Variants in HIVEP1 observed in about 807,000 individuals in gnomAD.
HIVEP1 encodes the protein HIVEP zinc finger 1, also known as zinc finger protein 40.
In HIVEP1, 36 loss-of-function variants were observed where a neutral mutation model predicts 180.0. That is an observed-to-expected ratio of 0.20 (90% CI 0.15 to 0.26). The LOEUF (loss-of-function observed/expected upper bound fraction) is 0.26. HIVEP1 is among the 10% of genes least tolerant of loss of function. The pLI, the probability that HIVEP1 is intolerant of heterozygous loss-of-function variation, is 1.00. For synonymous variants in HIVEP1, 1,239 were observed against 1,239.0 expected (o/e 1.00, Z 0.00); for missense variants, 3,143 against 3,268.7 (o/e 0.96, Z 0.94).
chr6:12,046,620 A>G (rs1770136647), intron 2 of HIVEP1, among the ~76,000 whole-genome samples: 1 of 151,954 alleles, frequency 6.6e-6, no homozygotes, highest in South Asian at 2.1e-4. Context: ...CTTTACCAAA[A>G]ATACAAAAAT....
chr6:12,066,322 C>A (rs1250864665), intron 2 of HIVEP1, among the ~76,000 whole-genome samples: 1 of 152,184 alleles, frequency 6.6e-6, no homozygotes, highest in Non-Finnish European at 1.5e-5. Flanking sequence ...TGATGACCAT[C>A]CCTCTTGTGC....
chr6:12,184,063 T>C, the HIVEP1 span, among the ~76,000 whole-genome samples: 1 of 136,300 alleles, frequency 7.3e-6, no homozygotes, highest in South Asian at 2.4e-4. Context: ...ACAGACAGAC[T>C]GATTTGGGGG....
rs1581750610 is a variant in HIVEP1 at position 12,130,914 on chromosome 6, T to C, written c.6357T>C (p.Thr2119=). The change falls in exon 6 of 9, where the codon ACT becomes ACC. Residue 2119 remains threonine, a synonymous_variant. Transcript: ENST00000379388. ...THTDVRPYHC[T]YCNFSFKTKG... Reference sequence around the variant, plus strand: ...CAGATGTCCGCCCCTACCACTGCACTTACTGTAACTTCTCCTTTAAGACTA... The same window carrying C: ...CAGATGTCCGCCCCTACCACTGCACCTACTGTAACTTCTCCTTTAAGACTA... The C allele has an allele frequency of 1.2e-6, 2 of 1,609,714 alleles. No individual in the cohort carries two copies. Among genetic ancestry groups the C allele is most frequent in the East Asian group, 4.5e-5 (2 of 44,842 alleles).
intron 2 of HIVEP1, among the ~76,000 whole-genome samples, chr6:12,042,156 T>C (rs1488708425): frequency 6.7e-6 from 1 of 148,614 alleles, no homozygotes; most frequent in Non-Finnish European, 1.5e-5. Context: ...CTCGGCTCAC[T>C]GCAAGCTCCG....
chr6:12,210,284 C>G, the HIVEP1 span, among the ~76,000 whole-genome samples: 3 of 152,196 alleles, frequency 2.0e-5, no homozygotes, highest in Non-Finnish European at 2.9e-5. Flanking sequence ...GATTACAAAG[C>G]ACGTTATGCC....
chr6:12,051,712 G>C (rs1245714596), intron 2 of HIVEP1, among the ~76,000 whole-genome samples: 1 of 138,078 alleles, frequency 7.2e-6, no homozygotes, highest in Non-Finnish European at 1.6e-5. Flanking sequence ...TACATGAATG[G>C]GTATTACTAA....
At chr6:12,150,477 A>T (rs1759639127) in intron 7 of HIVEP1, among the ~76,000 whole-genome samples, 1 of 152,230 alleles carries the variant, frequency 6.6e-6, no homozygotes, top group African/African-American at 2.4e-5. Flanking sequence ...CAGGTTTTAA[A>T]ACCTATATCA....
chr6:12,017,368 C>T lies in HIVEP1; in HGVS notation c.40+1700C>T, dbSNP rs1246524499. On this transcript the variant is annotated intron_variant, in intron 2 of 8. Transcript: ENST00000379388. ...CAGATGTGTTTGGAGTTTCTTTCTT[C>T]TGGTAGGTTCGTGGTCTCGCTGGTT... Among the ~76,000 whole-genome samples, 10 of 152,126 alleles carry T rather than the reference C, an allele frequency of 6.6e-5. No homozygotes were observed. In the East Asian group the frequency reaches 1.7e-3, roughly 26 times the overall value.
intron 2 of HIVEP1, among the ~76,000 whole-genome samples, chr6:12,088,608 G>C (rs2113325552): frequency 6.6e-6 from 1 of 152,196 alleles, no homozygotes. Context: ...CACATGTGTA[G>C]CAGTTCTGCA....
chr6:12,085,448 C>T (rs1007040124), intron 2 of HIVEP1, among the ~76,000 whole-genome samples: 4 of 152,072 alleles, frequency 2.6e-5, no homozygotes, highest in East Asian at 1.9e-4. Flanking sequence ...CAAAGAACCT[C>T]GTTAACCACA....
At chr6:12,182,432 G>T in the HIVEP1 span, among the ~76,000 whole-genome samples, 1 of 152,190 alleles carries the variant, frequency 6.6e-6, no homozygotes, top group East Asian at 1.9e-4. Flanking sequence ...AAGCTGACAG[G>T]TTATTGGTGA....
intron 3 of HIVEP1, among the ~76,000 whole-genome samples, chr6:12,110,682 A>C (rs1774832357): frequency 6.6e-6 from 1 of 152,136 alleles, no homozygotes; most frequent in African/African-American, 2.4e-5. Context: ...AAACCACTAA[A>C]ATTTTCTTCA....
At chr6:12,133,316 T>G (rs574388363) in intron 6 of HIVEP1, among the ~76,000 whole-genome samples, 72 of 152,340 alleles carry the variant, frequency 4.7e-4, no homozygotes, top group African/African-American at 1.6e-3. Flanking sequence ...TAGTCTCATT[T>G]ATATCACAGA....
intron 2 of HIVEP1, among the ~76,000 whole-genome samples, chr6:12,024,963 C>G (rs763339651): frequency 1.3e-5 from 2 of 152,190 alleles, no homozygotes; most frequent in South Asian, 2.1e-4. Context: ...ATAGGTCTTA[C>G]GATGATAAAA....
At position 12,069,629 on chromosome 6, in the gene HIVEP1, G is replaced by A. The variant is rs1457003305; in HGVS notation, c.41-19555G>A. Among the ~76,000 whole-genome samples the A allele has an allele frequency of 2.0e-5, 3 of 150,256 alleles. No individual in the cohort carries two copies. The South Asian group carries it at 6.3e-4, about 32-fold the overall frequency. On this transcript the variant is annotated intron_variant, in intron 2 of 8. Transcript: ENST00000379388. Reference sequence around the variant, plus strand: ...GGAGATATACCTAATGCTAGATGACGAGTTAGTGGGTGCAGCGCACCAGCA... The same window carrying A: ...GGAGATATACCTAATGCTAGATGACAAGTTAGTGGGTGCAGCGCACCAGCA...
downstream of HIVEP1, among the ~76,000 whole-genome samples, chr6:12,168,194 G>GTATATCTATAT (rs1760793725): frequency 1.7e-4 from 3 of 17,934 alleles, 1 homozygote; most frequent in Non-Finnish European, 5.3e-4. Context: ...AGATATACGT[G>GTATATCTATAT]TATATATACA....
At chr6:12,152,188 A>G (rs1759746899) in intron 7 of HIVEP1, among the ~76,000 whole-genome samples, 1 of 152,142 alleles carries the variant, frequency 6.6e-6, no homozygotes, top group Non-Finnish European at 1.5e-5. Flanking sequence ...AGACAACAAC[A>G]AAAAAACCAG....
the HIVEP1 span, among the ~76,000 whole-genome samples, chr6:12,211,198 G>C: frequency 2.3e-5 from 3 of 132,098 alleles, no homozygotes; most frequent in Non-Finnish European, 4.8e-5. Context: ...AGGAGATTGA[G>C]ACCATCCTGG....
Position 12,135,854 on chromosome 6 carries a change from C to T in HIVEP1, c.6449C>T (p.Ser2150Leu). 1 of 1,611,764 alleles carries T rather than the reference C, an allele frequency of 6.2e-7. No individual in the cohort carries two copies. The highest frequency in any genetic ancestry group is 8.5e-7 in the Non-Finnish European group (1 of 1,178,068). The change falls in exon 7 of 9, where the codon TCA (serine) becomes TTA (leucine). Residue 2150 changes from serine (S) to leucine (L), a missense_variant. Coordinates refer to ENST00000379388, the MANE Select transcript of HIVEP1 (RefSeq NM_002114.4). ...HSKKCVDLGV[S>L]VGLIDEQDTE... is the part of the protein sequence containing the mutation. ...AAGAAATGTGTGGATTTAGGCGTCT[C>T]AGTAGGTTTAATAGATGAACAGGAT...
Sources: allele counts gnomAD v4.1 joint callset (sites outside exome capture counted in the v4.1 genomes callset), GRCh38; gene constraint gnomAD v4.1.1; transcripts MANE v1.5; gene names NCBI Gene and HGNC (gene_info 2026-07-23, HGNC 2026-07-21).